Variants in TAB2 observed in about 807,000 individuals in gnomAD.
TAB2 encodes the protein TGF-beta-activated kinase 1 and MAP3K7-binding protein 2.
In TAB2, 3 loss-of-function variants were observed where a neutral mutation model predicts 65.0. The observed-to-expected ratio is 0.05, with a 90% CI of 0.02 to 0.12. The LOEUF is 0.12. Among genes scored for constraint, TAB2 ranks in the 10% least tolerant of loss-of-function variants. The pLI is 1.00. For missense variants in TAB2, 623 were observed against 840.3 expected (o/e 0.74, Z 3.20); for synonymous variants, 298 against 285.1 (o/e 1.05, Z -0.46).
intron 1 of TAB2, among the ~76,000 whole-genome samples, chr6:149,354,437 C>A (rs1414815964): frequency 2.6e-5 from 4 of 152,112 alleles, no homozygotes; most frequent in Admixed American, 2.6e-4. Flanking sequence ...ATCTTCATTT[C>A]CCTAAGTCTA....
Position 149,249,840 on chromosome 6 carries a change from A to G in TAB2, c.-121+31064A>G, listed in dbSNP as rs1777823710. Among the ~76,000 whole-genome samples, 2 of 152,216 alleles carry G rather than the reference A, an allele frequency of 1.3e-5. 1 individual carries two copies. Among genetic ancestry groups the G allele is most frequent in the South Asian group, 4.1e-4 (2 of 4,836 alleles). ...CTGGTCTTACAAACCAGTTCAAGAG[A>G]TGGATAGACAACTACTACTACTAAT... On this transcript the variant is annotated intron_variant, in intron 1 of 1. Coordinates refer to the TAB2 transcript ENST00000606202.
chr6:149,262,844 C>T (rs746649439), intron 1 of TAB2, among the ~76,000 whole-genome samples: 1 of 151,984 alleles, frequency 6.6e-6, no homozygotes, highest in Non-Finnish European at 1.5e-5. Flanking sequence ...CACTCTGTCA[C>T]CCAGACTGGA....
At chr6:149,236,141 C>T (rs986800778) in intron 1 of TAB2, among the ~76,000 whole-genome samples, 1 of 152,170 alleles carries the variant, frequency 6.6e-6, no homozygotes, top group Non-Finnish European at 1.5e-5. Context: ...ACAGTGCTCA[C>T]TATTTGGGAG....
intron 1 of TAB2, among the ~76,000 whole-genome samples, chr6:149,329,025 G>A (rs1779703220): frequency 6.6e-6 from 1 of 152,132 alleles, no homozygotes; most frequent in African/African-American, 2.4e-5. Context: ...ACTGTGTGTA[G>A]TTCTACAGTG....
intron 1 of TAB2, among the ~76,000 whole-genome samples, chr6:149,279,728 T>G (rs1401041602): frequency 6.6e-6 from 1 of 152,234 alleles, no homozygotes; most frequent in African/African-American, 2.4e-5. Context: ...TTATTTAGTT[T>G]CCATCAAAGC....
chr6:149,225,247 G>T (rs1391992930), intron 1 of TAB2, among the ~76,000 whole-genome samples: 2 of 152,124 alleles, frequency 1.3e-5, no homozygotes, highest in Admixed American at 1.3e-4. Flanking sequence ...ATCAACTTGA[G>T]AAGTTGCTTG....
At chr6:149,271,579 C>T (rs1396324912) in intron 1 of TAB2, among the ~76,000 whole-genome samples, 1 of 152,122 alleles carries the variant, frequency 6.6e-6, no homozygotes, top group Non-Finnish European at 1.5e-5. Flanking sequence ...AGGACATGAC[C>T]CAGAAGTTAC....
chr6:149,221,583 A>G (rs111458895), intron 1 of TAB2, among the ~76,000 whole-genome samples: 1 of 152,200 alleles, frequency 6.6e-6, no homozygotes, highest in Non-Finnish European at 1.5e-5. Context: ...AGAACTCTCA[A>G]AAGCCAGGCT....
chr6:149,380,318 A>G (rs890457902), intron 3 of TAB2, among the ~76,000 whole-genome samples: 5 of 152,228 alleles, frequency 3.3e-5, no homozygotes, highest in African/African-American at 1.2e-4. Context: ...CTGCGTAAGT[A>G]TTAGAATAAT....
intron 1 of TAB2, among the ~76,000 whole-genome samples, chr6:149,360,821 G>C (rs776465114): frequency 6.6e-6 from 1 of 152,146 alleles, no homozygotes; most frequent in African/African-American, 2.4e-5. Context: ...TACAATGGGG[G>C]TACAGGCATG....
intron 1 of TAB2, among the ~76,000 whole-genome samples, chr6:149,271,101 G>C (rs1216668110): frequency 1.3e-5 from 2 of 151,740 alleles, no homozygotes; most frequent in East Asian, 3.9e-4. Flanking sequence ...TTAGCTACTT[G>C]GGAGGCTTAG....
At chr6:149,325,976 G>T (rs982083165) in intron 1 of TAB2, among the ~76,000 whole-genome samples, 5 of 152,088 alleles carry the variant, frequency 3.3e-5, no homozygotes, top group Non-Finnish European at 7.4e-5. Flanking sequence ...TAGGTTCAAG[G>T]AATCATCTTG....
At chr6:149,265,190 C>A (rs1778236094) in intron 1 of TAB2, among the ~76,000 whole-genome samples, 1 of 139,794 alleles carries the variant, frequency 7.2e-6, no homozygotes, top group African/African-American at 2.7e-5. Context: ...GAGTTCAGAA[C>A]CCTTTTTTTT....
chr6:149,319,293 G>A (rs1242601116), intron 1 of TAB2, among the ~76,000 whole-genome samples: 1 of 152,208 alleles, frequency 6.6e-6, no homozygotes, highest in Admixed American at 6.5e-5. Flanking sequence ...TACAGTAGCA[G>A]AGTATTGACA....
At chr6:149,317,601 C>G (rs517365), upstream of TAB2, 1 of 132,122 alleles carries the variant, frequency 7.6e-6, no homozygotes, top group Non-Finnish European at 1.6e-5. This position sits in a 1 kb window ranked among gnomAD's most constrained non-coding sequence, Gnocchi z 4.7. Context: ...CGAGCGAGAG[C>G]TGGGGGGGTG....
chr6:149,405,539 C>G (rs1782634626), intron 6 of TAB2, among the ~76,000 whole-genome samples: 1 of 151,986 alleles, frequency 6.6e-6, no homozygotes, highest in South Asian at 2.1e-4. Context: ...GTGAGAGATA[C>G]ACACACACAG....
At chr6:149,401,580 G>C (rs536009007) in intron 6 of TAB2, among the ~76,000 whole-genome samples, 1 of 152,076 alleles carries the variant, frequency 6.6e-6, no homozygotes, top group South Asian at 2.1e-4. Context: ...CAGTTCTGAC[G>C]ACAGAAATTG....
intron 1 of TAB2, among the ~76,000 whole-genome samples, chr6:149,263,773 T>G (rs1231508522): frequency 6.6e-6 from 1 of 152,208 alleles, no homozygotes; most frequent in Non-Finnish European, 1.5e-5. Context: ...AAGAATATTA[T>G]GGGACAGGCC....
chr6:149,348,732 G>A (rs952405216), intron 1 of TAB2, among the ~76,000 whole-genome samples: 1 of 151,890 alleles, frequency 6.6e-6, no homozygotes, highest in African/African-American at 2.4e-5. Context: ...GGAAGGACGA[G>A]GCAGGTAGAT....
Sources: gnomAD v4.1 joint callset for allele counts (sites outside exome capture counted in the v4.1 genomes callset) on GRCh38, gnomAD v4.1.1 for gene constraint, Gnocchi (gnomAD v3.1) non-coding constraint, MANE v1.5 for transcripts, NCBI Gene and HGNC (gene_info 2026-07-23, HGNC 2026-07-21) for gene names.